C14orf132: variants seen among roughly 807,000 people sequenced by gnomAD.
C14orf132 encodes chromosome 14 open reading frame 132, also known as uncharacterized protein C14orf132.
In C14orf132, 6 loss-of-function variants were observed where a neutral mutation model predicts 5.8. The observed-to-expected ratio is 1.03, with a 90% CI of 0.57 to 2.04. The LOEUF is 2.04. Ranked by LOEUF, C14orf132 falls within the 30% of genes most tolerant of loss-of-function variation. The pLI is 0.00. For missense variants in C14orf132, 125 were observed against 115.8 expected, an observed-to-expected ratio of 1.08 and a Z score of -0.37; for synonymous variants, 51 against 49.8, an observed-to-expected ratio of 1.02 and a Z score of -0.10.
intron 1 of C14orf132, among the ~76,000 whole-genome samples, chr14:96,076,780 T>C (rs1461029692): frequency 6.6e-6 from 1 of 152,240 alleles, no homozygotes; most frequent in Non-Finnish European, 1.5e-5. Context: ...TATAAACAAT[T>C]AGTACTATAA....
chr14:96,069,189 A>ATATATATATGTATATG (rs1887627268), intron 1 of C14orf132, among the ~76,000 whole-genome samples: 1 of 143,344 alleles, frequency 7.0e-6, no homozygotes, highest in Non-Finnish European at 1.5e-5. Flanking sequence ...GTATATATAT[A>ATATATATATGTATATG]TATATGTATA....
chr14:96,077,771 C>A (rs1477852495), intron 1 of C14orf132, among the ~76,000 whole-genome samples: 1 of 152,222 alleles, frequency 6.6e-6, no homozygotes, highest in African/African-American at 2.4e-5. Context: ...TTCTCTGTCA[C>A]CTTCTATAAG....
intron 1 of C14orf132, among the ~76,000 whole-genome samples, chr14:96,082,157 T>A (rs1870273430): frequency 6.6e-6 from 1 of 152,176 alleles, no homozygotes; most frequent in Admixed American, 6.5e-5. Context: ...CATCCAAGAA[T>A]CCCATTCTCT....
chr14:96,064,167 A>C (rs1887450248), intron 1 of C14orf132, among the ~76,000 whole-genome samples: 1 of 152,060 alleles, frequency 6.6e-6, no homozygotes, highest in Admixed American at 6.6e-5. Flanking sequence ...AGATTCCTTA[A>C]AGAAATAAAA....
At chr14:96,075,587 T>C (rs8017580) in intron 1 of C14orf132, among the ~76,000 whole-genome samples, 41,966 of 152,066 alleles carry the variant, frequency 0.28, 6,045 homozygotes, top group Non-Finnish European at 0.33. Flanking sequence ...CTTTATCAGA[T>C]CCAGGAAGTT....
chr14:96,079,268 G>A (rs927919245), intron 1 of C14orf132, among the ~76,000 whole-genome samples: 11 of 152,126 alleles, frequency 7.2e-5, no homozygotes, highest in Admixed American at 2.0e-4. Context: ...TACAGATAAG[G>A]AAGCTGAGGC....
Position 96,087,305 on chromosome 14 carries a change from T to A in C14orf132, c.*570T>A, listed in dbSNP as rs1272924347. The A allele has an allele frequency of 6.6e-6, 1 of 152,556 alleles. No individual in the cohort carries two copies. The highest frequency in any genetic ancestry group is 1.5e-5 in the Non-Finnish European group (1 of 68,538). The allele number at this position is 152,556 out of a possible 1,614,324, so 9.5% of individuals were successfully genotyped here. On this transcript the variant is annotated 3_prime_UTR_variant, in exon 2 of 2. Coordinates refer to ENST00000555004, the MANE Select transcript of C14orf132 (RefSeq NM_001252507.3). Reference sequence around the variant, plus strand: ...TGGTCCCTTCCAAGACCCAAGTGCATTGGGAGACCCAGGGATGGGGGGTTA... The same window carrying A: ...TGGTCCCTTCCAAGACCCAAGTGCAATGGGAGACCCAGGGATGGGGGGTTA...
intron 1 of C14orf132, among the ~76,000 whole-genome samples, chr14:96,085,988 TCACACACACA>T (rs10558318): frequency 4.0e-5 from 6 of 148,852 alleles, no homozygotes; most frequent in Non-Finnish European, 7.5e-5. Flanking sequence ...TCTCTCTCTG[TCACACACACA>T]CACACACACA....
chr14:96,066,982 G>T (rs1351598153), intron 1 of C14orf132, among the ~76,000 whole-genome samples: 1 of 152,188 alleles, frequency 6.6e-6, no homozygotes, highest in Non-Finnish European at 1.5e-5. Flanking sequence ...GGCTGTGCCA[G>T]CTCAGGGAAA....
intron 1 of C14orf132, among the ~76,000 whole-genome samples, chr14:96,056,424 C>A (rs1247250160): frequency 1.3e-5 from 2 of 152,188 alleles, no homozygotes. Flanking sequence ...CCTCCTCCTT[C>A]TCGCTGGGCT....
chr14:96,081,917 T>C (rs1357480938), intron 1 of C14orf132, among the ~76,000 whole-genome samples: 1 of 152,142 alleles, frequency 6.6e-6, no homozygotes, highest in Admixed American at 6.5e-5. Flanking sequence ...GTTTTTTTGT[T>C]GTTGTTGTTT....
chr14:96,075,126 C>T (rs7153501), intron 1 of C14orf132, among the ~76,000 whole-genome samples: 83,395 of 152,000 alleles, frequency 0.55, 23,455 homozygotes, highest in East Asian at 0.9. Context: ...AGATCCTGCA[C>T]GTATTTTGTT....
intron 1 of C14orf132, among the ~76,000 whole-genome samples, chr14:96,048,345 T>C (rs35905159): frequency 0.069 from 10,539 of 152,212 alleles, 502 homozygotes; most frequent in East Asian, 0.15. Context: ...TGCATGTATT[T>C]GCCTCTCCCT....
At chr14:96,042,794 C>T (rs886744988) in intron 1 of C14orf132, among the ~76,000 whole-genome samples, 11 of 152,144 alleles carry the variant, frequency 7.2e-5, no homozygotes, top group Non-Finnish European at 1.3e-4. Context: ...TGGAGGCTCC[C>T]AGTTGCCCTC....
intron 1 of C14orf132, among the ~76,000 whole-genome samples, chr14:96,083,500 AG>A (rs1888088767): frequency 6.6e-6 from 1 of 152,202 alleles, no homozygotes; most frequent in African/African-American, 2.4e-5. Flanking sequence ...TGGATTAGCC[AG>A]GGGAGCTCAA....
chr14:96,070,786 G>A (rs889969441), intron 1 of C14orf132, among the ~76,000 whole-genome samples: 5 of 152,142 alleles, frequency 3.3e-5, no homozygotes, highest in Admixed American at 6.5e-5. Flanking sequence ...AGATTCCAAT[G>A]GAAGGTGTGC....
At chr14:96,049,486 GCATATATATACGTATATATACGTATATA>G (rs1283955012) in intron 1 of C14orf132, among the ~76,000 whole-genome samples, 2 of 142,040 alleles carry the variant, frequency 1.4e-5, no homozygotes, top group African/African-American at 5.2e-5. Context: ...GTATATATAT[GCATATATATACGTATATATACGTATATA>G]CGTATATATA....
At chr14:96,064,824 TAAAATTAAA>T (rs1230381604) in intron 1 of C14orf132, among the ~76,000 whole-genome samples, 1 of 151,992 alleles carries the variant, frequency 6.6e-6, no homozygotes, top group African/African-American at 2.4e-5. Flanking sequence ...CATGGAAAAA[TAAAATTAAA>T]AAAATTAAAA....
At chr14:96,054,606 C>T (rs756430515) in intron 1 of C14orf132, among the ~76,000 whole-genome samples, 2 of 152,160 alleles carry the variant, frequency 1.3e-5, no homozygotes, top group Non-Finnish European at 2.9e-5. Flanking sequence ...TGAGAAAGAA[C>T]AAACTGTGCA....
Sources: gnomAD v4.1 joint callset for allele counts (sites outside exome capture counted in the v4.1 genomes callset) on GRCh38, gnomAD v4.1.1 for gene constraint, MANE v1.5 for transcripts, NCBI Gene and HGNC (gene_info 2026-07-23, HGNC 2026-07-21) for gene names.